The following ERG variants were observed in gnomAD, a reference collection of about 807,000 sequenced individuals.
ERG encodes the protein transcriptional regulator ERG.
Under a neutral mutation model 55.3 loss-of-function variants are expected in ERG, and 9 were observed. That is an observed-to-expected ratio of 0.16 (90% CI 0.10 to 0.28). The LOEUF (loss-of-function observed/expected upper bound fraction) is 0.28. Among genes scored for constraint, ERG ranks in the 10% least tolerant of loss-of-function variants. The pLI is 1.00. For synonymous variants in ERG, 223 were observed against 237.3 expected (o/e 0.94, Z 0.55); for missense variants, 434 against 631.6 (o/e 0.69, Z 3.35).
At chr21:38,599,861 C>T (rs2060154208) in intron 1 of ERG, among the ~76,000 whole-genome samples, 1 of 152,202 alleles carries the variant, frequency 6.6e-6, no homozygotes, top group African/African-American at 2.4e-5. Context: ...ACATCATAAC[C>T]TACTGAGAAC....
chr21:38,486,994 G>C (rs2059291406), intron 1 of ERG, among the ~76,000 whole-genome samples: 1 of 152,192 alleles, frequency 6.6e-6, no homozygotes, highest in East Asian at 1.9e-4. Flanking sequence ...ACGAGGCACA[G>C]GGAAGTGAAA....
At chr21:38,570,022 G>T (rs1388415940) in intron 2 of ERG, among the ~76,000 whole-genome samples, 1 of 152,010 alleles carries the variant, frequency 6.6e-6, no homozygotes, top group Non-Finnish European at 1.5e-5. Context: ...TTCTGTTTTT[G>T]CTCATACATA....
intron 1 of ERG, among the ~76,000 whole-genome samples, chr21:38,593,827 TATC>T (rs1452256789): frequency 6.6e-6 from 1 of 152,210 alleles, no homozygotes; most frequent in East Asian, 1.9e-4. Context: ...TATTACAAGT[TATC>T]ATTTTTTAGA....
intron 2 of ERG, among the ~76,000 whole-genome samples, chr21:38,571,652 C>T (rs1450940783): frequency 6.6e-6 from 1 of 152,148 alleles, no homozygotes; most frequent in Admixed American, 6.5e-5. Context: ...AATAAACAGC[C>T]TGCTCATTTT....
chr21:38,438,944 G>A (rs1436466722), intron 2 of ERG, among the ~76,000 whole-genome samples: 3 of 152,224 alleles, frequency 2.0e-5, no homozygotes, highest in Non-Finnish European at 2.9e-5. Flanking sequence ...CTAAGAAGCC[G>A]CATCTCAAAC....
intron 1 of ERG, among the ~76,000 whole-genome samples, chr21:38,643,151 G>A (rs922502596): frequency 7.2e-5 from 11 of 152,162 alleles, no homozygotes; most frequent in Non-Finnish European, 1.0e-4. Context: ...ACTAAATCCC[G>A]AATATGTAAG....
At chr21:38,393,012 T>G (rs1481602127) in intron 6 of ERG, among the ~76,000 whole-genome samples, 1 of 152,220 alleles carries the variant, frequency 6.6e-6, no homozygotes, top group South Asian at 2.1e-4. Context: ...TAAATCAGTC[T>G]TATCTGATCT....
chr21:38,508,343 G>A (rs1474446900), intron 2 of ERG, among the ~76,000 whole-genome samples: 1 of 151,906 alleles, frequency 6.6e-6, no homozygotes, highest in Non-Finnish European at 1.5e-5. Flanking sequence ...GTATCTTATG[G>A]GATTTCCGTC....
chr21:38,478,962 T>C (rs2059213145), intron 1 of ERG, among the ~76,000 whole-genome samples: 1 of 152,160 alleles, frequency 6.6e-6, no homozygotes, highest in African/African-American at 2.4e-5. Flanking sequence ...TCTGACGAAC[T>C]GTGTGGGCTG....
intron 2 of ERG, among the ~76,000 whole-genome samples, chr21:38,572,365 CAAA>C (rs758324053): frequency 1.0e-4 from 7 of 66,978 alleles, no homozygotes; most frequent in Non-Finnish European, 9.4e-5. Flanking sequence ...GAGACTCCAT[CAAA>C]AAAAAAAAAA....
chr21:38,511,506 C>A (rs1033758657), intron 2 of ERG, among the ~76,000 whole-genome samples: 1 of 152,144 alleles, frequency 6.6e-6, no homozygotes, highest in African/African-American at 2.4e-5. Flanking sequence ...ACAATCATAT[C>A]ATATTTCCTC....
chr21:38,437,330 C>A (rs2058800071), intron 2 of ERG, among the ~76,000 whole-genome samples: 1 of 151,490 alleles, frequency 6.6e-6, no homozygotes, highest in South Asian at 2.1e-4. Flanking sequence ...ACTCTTTGGA[C>A]AGGTGGGGGT....
intron 1 of ERG, among the ~76,000 whole-genome samples, chr21:38,493,687 G>C (rs2059356414): frequency 6.6e-6 from 1 of 152,138 alleles, no homozygotes; most frequent in Admixed American, 6.5e-5. Flanking sequence ...AGAACAGGAC[G>C]AAGCCAACCC....
intron 1 of ERG, among the ~76,000 whole-genome samples, chr21:38,468,378 T>C (rs747488312): frequency 1.3e-5 from 2 of 152,232 alleles, no homozygotes; most frequent in African/African-American, 2.4e-5. Flanking sequence ...ATGGAATGCA[T>C]ACTGTAAACT....
chr21:38,527,707 C>T (rs1316834622), intron 2 of ERG, among the ~76,000 whole-genome samples: 1 of 152,122 alleles, frequency 6.6e-6, no homozygotes, highest in Non-Finnish European at 1.5e-5. Context: ...CAAAGGGCAA[C>T]CCAAAATTGT....
intron 1 of ERG, among the ~76,000 whole-genome samples, chr21:38,470,280 A>C (rs1324895518): frequency 7.3e-6 from 1 of 137,210 alleles, no homozygotes; most frequent in African/African-American, 2.7e-5. Flanking sequence ...TATTATTATT[A>C]TTGTTATAAT....
At chr21:38,599,954 T>G (rs915710509) in intron 1 of ERG, among the ~76,000 whole-genome samples, 5 of 152,176 alleles carry the variant, frequency 3.3e-5, no homozygotes, top group African/African-American at 1.2e-4. Flanking sequence ...CAAAGCCACA[T>G]GGAAATAGGA....
Position 38,381,245 on chromosome 21 carries a change from G to A in ERG, c.*2158C>T. On this transcript the variant is annotated 3_prime_UTR_variant, in exon 10 of 10. Transcript: ENST00000288319. ...AGGCCCTGAAACAGCTATGAAAAGG[G>A]CCAGTTCAGAAACCTATTCAGCTAA... 2.8e-6 allele frequency: 3 copies of A among 1,065,264 alleles called. No individual in the cohort carries two copies. The highest frequency in any genetic ancestry group is 3.4e-6 in the Non-Finnish European group (3 of 879,250). The allele number at this position is 1,065,264 out of a possible 1,614,324, so 66.0% of individuals were successfully genotyped here.
At chr21:38,482,541 A>G (rs1315082207) in intron 1 of ERG, among the ~76,000 whole-genome samples, 1 of 152,206 alleles carries the variant, frequency 6.6e-6, no homozygotes, top group African/African-American at 2.4e-5. Context: ...TGTAATCACT[A>G]TCTCGTAAAG....
Sources: allele counts gnomAD v4.1 joint callset (sites outside exome capture counted in the v4.1 genomes callset), GRCh38; gene constraint gnomAD v4.1.1; transcripts MANE v1.5; gene names NCBI Gene and HGNC (gene_info 2026-07-23, HGNC 2026-07-21).